The following PPIG variants were observed in gnomAD, a reference collection of about 807,000 sequenced individuals.
PPIG encodes peptidyl-prolyl cis-trans isomerase G.
A neutral mutation model predicts 87.9 loss-of-function variants in PPIG; 26 were observed. That is an observed-to-expected ratio of 0.30 (90% CI 0.22 to 0.41). The LOEUF (loss-of-function observed/expected upper bound fraction) is 0.41. Ranked by LOEUF, PPIG falls within the 10% of genes least tolerant of loss-of-function variation. PPIG has a pLI of 1.00. For missense variants in PPIG, 722 were observed against 879.4 expected, an observed-to-expected ratio of 0.82 and a Z score of 2.26; for synonymous variants, 308 against 276.5, an observed-to-expected ratio of 1.11 and a Z score of -1.13.
At chr2:169,589,793 T>C (rs1022040280) in intron 1 of PPIG, among the ~76,000 whole-genome samples, 6 of 152,064 alleles carry the variant, frequency 3.9e-5, no homozygotes, top group Admixed American at 6.6e-5. Flanking sequence ...ACTACAGATA[T>C]ATGTTAGCAG....
chr2:169,618,112 G>A lies in PPIG; in HGVS notation c.547+3388G>A, dbSNP rs558684498. Among the ~76,000 whole-genome samples the A allele has an allele frequency of 6.6e-5, 10 of 152,098 alleles. No homozygotes were observed. In the East Asian group the frequency reaches 1.4e-3, roughly 21 times the overall value. On this transcript the variant is annotated intron_variant, in intron 9 of 13. Transcript: ENST00000260970. ...CTTTTCCACATCTATTGAGATAATT[G>A]TGTGGTTTTTGTCACTGGTTCTGTT...
At chr2:169,627,117 G>A (rs1276462882) in intron 9 of PPIG, among the ~76,000 whole-genome samples, 1 of 151,630 alleles carries the variant, frequency 6.6e-6, no homozygotes, top group Non-Finnish European at 1.5e-5. Flanking sequence ...TATTTACTTT[G>A]AGGAGGAGTC....
rs1686204578 is a variant in PPIG, at chr2:169,637,202, G to C, written c.1944G>C (p.Glu648Asp). 1.9e-6 allele frequency: 3 copies of C among 1,613,306 alleles called. No individual in the cohort carries two copies. The Admixed American group carries it at 5.0e-5, about 27-fold the overall frequency. Reference sequence around the variant, plus strand: ...ACAAAGACAAATACAGAAACCAAGAGAGTAAGAGCTCACACAGAAAAGAAA... The same window carrying C: ...ACAAAGACAAATACAGAAACCAAGACAGTAAGAGCTCACACAGAAAAGAAA... Reference protein sequence around the residue: ...SRNKDKYRNQESKSSHRKENS... With the variant: ...SRNKDKYRNQDSKSSHRKENS... Residue 648 changes from glutamate to aspartate, a missense_variant, in exon 14 of 14, where the codon GAG becomes GAC. Coordinates refer to ENST00000260970, the MANE Select transcript of PPIG (RefSeq NM_004792.3).
chr2:169,631,012 T>G (rs765989018), intron 10 of PPIG, 25 bp downstream of exon 10: 14 of 1,520,510 alleles, frequency 9.2e-6, no homozygotes, highest in Admixed American at 2.3e-5. Flanking sequence ...TTTCTAATGC[T>G]AGCTTTATAT....
chr2:169,608,725 G>A lies in PPIG; in HGVS notation c.344G>A (p.Arg115Lys). ...NKEFLLSMAN[R>K]GKDTNGSQFF... ...GAATTTCTCTTGTCAATGGCCAACAGAGGGAAGGATACAAATGGTTCACAG... is the reference window on the plus strand; with the variant it reads ...GAATTTCTCTTGTCAATGGCCAACAAAGGGAAGGATACAAATGGTTCACAG... The change falls in exon 7 of 14, where the codon AGA becomes AAA. Residue 115 changes from arginine to lysine, a missense_variant. This residue lies in a region of PPIG where 99 missense variants were observed against 215.8 expected (regional missense o/e 0.46). Transcript: ENST00000260970. 1 of 1,607,986 alleles carries A rather than the reference G, an allele frequency of 6.2e-7. No individual in the cohort carries two copies.
intron 7 of PPIG, among the ~76,000 whole-genome samples, chr2:169,614,112 G>A (rs1248701907): frequency 6.6e-6 from 1 of 152,168 alleles, no homozygotes; most frequent in African/African-American, 2.4e-5. Context: ...ATTTTGATAT[G>A]TCTACATGTA....
chr2:169,611,108 T>C (rs1685476725), intron 7 of PPIG, among the ~76,000 whole-genome samples: 1 of 152,164 alleles, frequency 6.6e-6, no homozygotes, highest in African/African-American at 2.4e-5. Context: ...CTCGGGAGGC[T>C]GAGGCAGGAA....
chr2:169,594,828 A>ATG (rs1487390371), intron 1 of PPIG, among the ~76,000 whole-genome samples: 1 of 151,830 alleles, frequency 6.6e-6, no homozygotes, highest in Non-Finnish European at 1.5e-5. Context: ...GAATTTCACC[A>ATG]TGTTGGGCTG....
Position 169,637,206 on chromosome 2 carries a change from A to G in PPIG, c.1948A>G (p.Lys650Glu), listed in dbSNP as rs773992367. Residue 650 changes from lysine (K) to glutamate (E), a missense_variant, in exon 14 of 14, where the codon AAG (lysine) becomes GAG (glutamate). Physicochemically the swap from Lys to Glu is moderately conservative, Grantham distance 56. Around this residue, in one of 4 missense-constraint regions of PPIG, gnomAD observed 476 missense variants for 483.1 expected, o/e 0.99. Coordinates refer to ENST00000260970, the MANE Select transcript of PPIG (RefSeq NM_004792.3). ...NKDKYRNQES[K>E]SSHRKENSES... The stretch of plus-strand genomic sequence containing the variant: ...AGACAAATACAGAAACCAAGAGAGT[A>G]AGAGCTCACACAGAAAAGAAAATTC... 3 of 1,613,628 alleles carry G rather than the reference A, an allele frequency of 1.9e-6. No individual in the cohort carries two copies. The highest frequency in any genetic ancestry group is 4.5e-5 in the East Asian group (2 of 44,864).
intron 9 of PPIG, among the ~76,000 whole-genome samples, chr2:169,625,147 T>G (rs1685851177): frequency 6.6e-6 from 1 of 152,244 alleles, no homozygotes; most frequent in Admixed American, 6.5e-5. Flanking sequence ...TACATTATTA[T>G]TAACTGTTCT....
chr2:169,608,090 T>G (rs944386767), intron 6 of PPIG, among the ~76,000 whole-genome samples: 3 of 152,198 alleles, frequency 2.0e-5, no homozygotes, highest in African/African-American at 7.2e-5. Context: ...TGTTATCTTT[T>G]CCAAAAATTG....
chr2:169,631,117 G>T (rs542237870), intron 10 of PPIG, 130 bp downstream of exon 10: 2 of 831,544 alleles, frequency 2.4e-6, no homozygotes, highest in East Asian at 2.8e-5. Flanking sequence ...TAGGACTTTT[G>T]ATATTCCACA....
At chr2:169,615,929 TG>T (rs1287094575) in intron 9 of PPIG, among the ~76,000 whole-genome samples, 1 of 152,222 alleles carries the variant, frequency 6.6e-6, no homozygotes, top group East Asian at 1.9e-4. Context: ...ACACATGCCA[TG>T]GTGATTTGCT....
chr2:169,606,081 A>G lies in PPIG; in HGVS notation c.179A>G (p.Tyr60Cys), dbSNP rs1559179762. ...AAATCAACTCAGAAACCATTACATT[A>G]TAAGAGTTGTCTCTTTCACAGAGTT... ...TGKSTQKPLHYKSCLFHRVVK... is the reference protein window; with the variant it reads ...TGKSTQKPLHCKSCLFHRVVK... Residue 60 changes from tyrosine to cysteine, a missense_variant, in exon 5 of 14, where the codon TAT (tyrosine) becomes TGT (cysteine). Around this residue, in one of 4 missense-constraint regions of PPIG, gnomAD observed 99 missense variants for 215.8 expected, o/e 0.46. Coordinates refer to ENST00000260970, the MANE Select transcript of PPIG (RefSeq NM_004792.3). 1 of 1,613,488 alleles carries G rather than the reference A, an allele frequency of 6.2e-7. No homozygotes were observed. The highest frequency in any genetic ancestry group is 8.5e-7 in the Non-Finnish European group (1 of 1,179,460).
At chr2:169,613,968 A>G (rs191160693) in intron 7 of PPIG, among the ~76,000 whole-genome samples, 133 of 152,330 alleles carry the variant, frequency 8.7e-4, no homozygotes, top group Non-Finnish European at 1.5e-3. Context: ...TAAACACGAT[A>G]TGAACCATTT....
At chr2:169,630,141 GT>G (rs58416282) in intron 9 of PPIG, among the ~76,000 whole-genome samples, 87,600 of 147,634 alleles carry the variant, frequency 0.59, 25,876 homozygotes, top group African/African-American at 0.69. Flanking sequence ...TAAACTCTGA[GT>G]TTTTTTTTTT....
intron 1 of PPIG, among the ~76,000 whole-genome samples, chr2:169,593,272 G>A (rs375976415): frequency 5.3e-5 from 8 of 151,988 alleles, no homozygotes; most frequent in African/African-American, 1.9e-4. Context: ...TCAGCTCACT[G>A]CAACCTCTGC....
intron 7 of PPIG, among the ~76,000 whole-genome samples, chr2:169,613,918 C>A (rs531897297): frequency 1.8e-4 from 27 of 152,216 alleles, no homozygotes; most frequent in African/African-American, 5.3e-4. Flanking sequence ...AGCATGAGAC[C>A]CTGTCTCCAA....
At chr2:169,604,406 T>G (rs1248991088) in intron 4 of PPIG, 145 bp downstream of exon 4, 1 of 682,144 alleles carries the variant, frequency 1.5e-6, no homozygotes, top group African/African-American at 2.0e-5. Flanking sequence ...CCTGGGCTCA[T>G]CAATCCTTAC....
Sources: gnomAD v4.1 joint callset for allele counts (sites outside exome capture counted in the v4.1 genomes callset) on GRCh38, gnomAD v4.1.1 for gene constraint, gnomAD v4.1.1 regional missense constraint, MANE v1.5 for transcripts, NCBI Gene and HGNC (gene_info 2026-07-23, HGNC 2026-07-21) for gene names.